ZNF197: variants seen among roughly 807,000 people sequenced by gnomAD.
The protein encoded by ZNF197 is VHL-associated KRAB-A domain-containing protein.
A neutral mutation model predicts 27.4 loss-of-function variants in ZNF197; 14 were observed. That is an observed-to-expected ratio of 0.51 (90% CI 0.34 to 0.80). The LOEUF (loss-of-function observed/expected upper bound fraction) is 0.80. Among genes scored for constraint, ZNF197 ranks in the 30% least tolerant of loss-of-function variants. The probability of loss-of-function intolerance (pLI) is 0.02; values close to 1 mark genes in which losing one functional copy is unlikely to be tolerated. For synonymous variants in ZNF197, 415 were observed against 420.0 expected (o/e 0.99, Z 0.15); for missense variants, 1,090 against 1,222.6 (o/e 0.89, Z 1.62).
chr3:44,627,122 T>C (rs555095190), intron 1 of ZNF197, among the ~76,000 whole-genome samples: 1 of 152,170 alleles, frequency 6.6e-6, no homozygotes, highest in Admixed American at 6.5e-5. Context: ...TACACACATA[T>C]GCAGAAATAA....
intron 2 of ZNF197, among the ~76,000 whole-genome samples, chr3:44,629,796 T>G (rs926971541): frequency 2.3e-4 from 35 of 152,346 alleles, no homozygotes; most frequent in African/African-American, 7.9e-4. Context: ...TTTTGTCCCT[T>G]GGGTAATGCT....
Position 44,644,404 on chromosome 3 carries a change from C to A in ZNF197, c.*184C>A. 1 of 1,317,780 alleles carries A rather than the reference C, an allele frequency of 7.6e-7. No homozygotes were observed. The highest frequency in any genetic ancestry group is 2.0e-5 in the South Asian group (1 of 50,868). The allele number at this position is 1,317,780 out of a possible 1,614,324, so 81.6% of individuals were successfully genotyped here. On this transcript the variant is annotated 3_prime_UTR_variant, in exon 6 of 6. Transcript: ENST00000344387. ...CTGTAATCCCAGCACTTTGAGAGGC[C>A]GAAGCGAGTGGATCACCTGAGGTCA...
Position 44,642,976 on chromosome 3 carries a change from C to T in ZNF197, c.1846C>T (p.His616Tyr), listed in dbSNP as rs764294362. ...AAACTTCATTGACCATAAGAGGATGCACAGCAGAGAGAAACCTTACAAATG... is the reference window on the plus strand; with the variant it reads ...AAACTTCATTGACCATAAGAGGATGTACAGCAGAGAGAAACCTTACAAATG... The part of the protein sequence containing the change: ...KSNFIDHKRM[H>Y]SREKPYKCTE... Residue 616 changes from histidine to tyrosine, a missense_variant, in exon 6 of 6, where the codon CAC becomes TAC. Physicochemically the swap from His to Tyr is moderately conservative, Grantham distance 83. Transcript: ENST00000344387. 1.2e-6 allele frequency: 2 copies of T among 1,613,942 alleles called. No individual in the cohort carries two copies. Among genetic ancestry groups the T allele is most frequent in the South Asian group, 1.1e-5 (1 of 91,032 alleles).
In ZNF197 at chr3:44,641,922, T is replaced by G. The variant is rs976515122; in HGVS notation, c.792T>G (p.Asn264Lys). 6.3e-7 allele frequency: 1 copy of G among 1,598,470 alleles called. No individual in the cohort carries two copies. The highest frequency in any genetic ancestry group is 2.2e-5 in the East Asian group (1 of 44,616). The change falls in exon 6 of 6, where the codon AAT becomes AAG. Residue 264 changes from asparagine to lysine, a missense_variant. By Grantham distance (94) the Asn-to-Lys change is moderately conservative. Transcript: ENST00000344387. ...TSLEWETMTE[N>K]EEVTSKPSSS... ...CAGAATGGGAGACCATGACCGAGAA[T>G]GAGGAGGTGACATCAAAGCCAAGTA...
chr3:44,631,996 C>A, intron 3 of ZNF197, 109 bp from the exon 4 acceptor site: 1 of 1,010,926 alleles, frequency 9.9e-7, no homozygotes, highest in Non-Finnish European at 1.6e-6. Flanking sequence ...CCACCACGCC[C>A]TGCCTTGTAT....
At chr3:44,628,368 G>A (rs1045423581) in intron 1 of ZNF197, among the ~76,000 whole-genome samples, 9 of 152,140 alleles carry the variant, frequency 5.9e-5, no homozygotes, top group Non-Finnish European at 1.0e-4. Context: ...CCATCTGTGG[G>A]ACTAGATGTG....
At position 44,642,278 on chromosome 3, in the gene ZNF197, C is replaced by T. The variant is rs774846187; in HGVS notation, c.1148C>T (p.Ser383Phe). ...TGTTGTAAACATTTTAATAAAATCT[C>T]CCATCTTATAAACCATCGGAGAATC... ...DMCCKHFNKI[S>F]HLINHRRIHT... Residue 383 changes from serine to phenylalanine, a missense_variant, in exon 6 of 6, where the codon TCC (serine) becomes TTC (phenylalanine). Physicochemically the swap from Ser to Phe is radical, Grantham distance 155. Transcript: ENST00000344387. 21 of 1,613,888 alleles carry T rather than the reference C, an allele frequency of 1.3e-5. No homozygotes were observed. Among genetic ancestry groups the T allele is most frequent in the Admixed American group, 8.3e-5 (5 of 59,972 alleles).
intron 5 of ZNF197, among the ~76,000 whole-genome samples, chr3:44,639,748 A>AG (rs1198973453): frequency 5.9e-5 from 9 of 152,106 alleles, no homozygotes; most frequent in African/African-American, 2.2e-4. Flanking sequence ...GGAAAGAAGA[A>AG]GAGCAATTCA....
rs1006099596 is a variant in ZNF197 at position 44,645,091 on chromosome 3, T to G, written c.*871T>G. The G allele has an allele frequency of 1.0e-6, 1 of 982,042 alleles. No individual in the cohort carries two copies. Among genetic ancestry groups the G allele is most frequent in the Non-Finnish European group, 1.2e-6 (1 of 826,982 alleles). The allele number at this position is 982,042 out of a possible 1,614,324, so 60.8% of individuals were successfully genotyped here. On this transcript the variant is annotated 3_prime_UTR_variant, in exon 6 of 6. Coordinates refer to ENST00000344387, the MANE Select transcript of ZNF197 (RefSeq NM_006991.5). ...AGAAGACCTACCTTTGATTCCTGGC[T>G]TTCCCTTAATGGCCATGTGATGTTA...
chr3:44,643,712 T>C lies in ZNF197; in HGVS notation c.2582T>C (p.Leu861Pro). 3.1e-6 allele frequency: 5 copies of C among 1,614,084 alleles called. No homozygotes were observed. Among genetic ancestry groups the C allele is most frequent in the Non-Finnish European group, 4.2e-6 (5 of 1,180,010 alleles). ...CGKGFTYNRN[L>P]IEHQRIHSGE... ...AAAGGTTTTACGTACAACAGAAACC[T>C]GATTGAACATCAAAGAATTCACAGT... Residue 861 changes from leucine (L) to proline (P), a missense_variant, in exon 6 of 6, where the codon CTG becomes CCG. Coordinates refer to ENST00000344387, the MANE Select transcript of ZNF197 (RefSeq NM_006991.5).
Position 44,631,045 on chromosome 3 carries a change from A to T in ZNF197, c.391-17A>T. 1 of 1,613,862 alleles carries T rather than the reference A, an allele frequency of 6.2e-7. No homozygotes were observed. The highest frequency in any genetic ancestry group is 1.1e-5 in the South Asian group (1 of 91,052). On this transcript the variant is annotated splice_polypyrimidine_tract_variant and intron_variant, in intron 2 of 5. Coordinates refer to ENST00000344387, the MANE Select transcript of ZNF197 (RefSeq NM_006991.5). ...CTTAAGAAACAAGAAGAGCTAGCTTATTTTACTTGTTTCCAGGTTCCAGTC... is the reference window on the plus strand; with the variant it reads ...CTTAAGAAACAAGAAGAGCTAGCTTTTTTTACTTGTTTCCAGGTTCCAGTC...
At position 44,644,866 on chromosome 3, in the gene ZNF197, T is replaced by G. The variant is rs969827162; in HGVS notation, c.*646T>G. The G allele has an allele frequency of 5.2e-6, 5 of 959,732 alleles. No individual in the cohort carries two copies. The highest frequency in any genetic ancestry group is 2.3e-4 in the East Asian group (2 of 8,708). 59.5% of individuals were successfully genotyped at this position (959,732 alleles called of 1,614,324 possible). ...GAGACCCGTCTTTAGTAAATAAAAATAAATTTATTAATAAAACTAAAAATT... is the reference window on the plus strand; with the variant it reads ...GAGACCCGTCTTTAGTAAATAAAAAGAAATTTATTAATAAAACTAAAAATT... On this transcript the variant is annotated 3_prime_UTR_variant, in exon 6 of 6. Coordinates refer to ENST00000344387, the MANE Select transcript of ZNF197 (RefSeq NM_006991.5).
At position 44,642,439 on chromosome 3, in the gene ZNF197, C is replaced by T; in HGVS notation, c.1309C>T (p.Gln437Ter). 6.2e-7 allele frequency: 1 copy of T among 1,614,014 alleles called. No homozygotes were observed. Among genetic ancestry groups the T allele is most frequent in the Non-Finnish European group, 8.5e-7 (1 of 1,180,018 alleles). The change falls in exon 6 of 6, where the codon CAA (glutamine) becomes TAA (stop). Residue 437 changes from glutamine (Q) to a stop codon, truncating the protein, a stop_gained. Transcript: ENST00000344387. LOFTEE classifies it low-confidence loss of function (END_TRUNC). ...TAATGAATGTGGGAAAGCATTTTCTCAAAGTGCTTACCTTCTAAACCATCA... is the reference window on the plus strand; with the variant it reads ...TAATGAATGTGGGAAAGCATTTTCTTAAAGTGCTTACCTTCTAAACCATCA... ...KCNECGKAFS[Q>*]SAYLLNHQRI...
intron 5 of ZNF197, among the ~76,000 whole-genome samples, chr3:44,633,611 T>A (rs1379389143): frequency 6.6e-6 from 1 of 152,236 alleles, no homozygotes; most frequent in Non-Finnish European, 1.5e-5. Flanking sequence ...TAACTTTGAC[T>A]GAAATACAGA....
intron 2 of ZNF197, among the ~76,000 whole-genome samples, chr3:44,629,946 A>G (rs888076715): frequency 1.3e-5 from 2 of 152,240 alleles, no homozygotes; most frequent in Admixed American, 1.3e-4. Context: ...ATAGCAGGCC[A>G]GGCACAGTGG....
Position 44,646,628 on chromosome 3 carries a change from G to A in ZNF197, c.*2408G>A, listed in dbSNP as rs1262679772. Reference sequence around the variant, plus strand: ...ATTATGATGAAAAAGAGAGGGGAGTGAAAATTGTTCAAGCTGTCTTGAGTC... The same window carrying A: ...ATTATGATGAAAAAGAGAGGGGAGTAAAAATTGTTCAAGCTGTCTTGAGTC... On this transcript the variant is annotated 3_prime_UTR_variant, in exon 6 of 6. Coordinates refer to ENST00000344387, the MANE Select transcript of ZNF197 (RefSeq NM_006991.5). 1 of 745,492 alleles carries A rather than the reference G, an allele frequency of 1.3e-6. No individual in the cohort carries two copies. The highest frequency in any genetic ancestry group is 2.4e-6 in the Non-Finnish European group (1 of 419,034). 46.2% of individuals were successfully genotyped at this position (745,492 alleles called of 1,614,324 possible). A position where few individuals can be genotyped will look rare whatever the true frequency, so the allele number is the denominator to read the frequency against.
intron 5 of ZNF197, among the ~76,000 whole-genome samples, chr3:44,636,112 G>A (rs1702271256): frequency 6.6e-6 from 1 of 152,104 alleles, no homozygotes; most frequent in Non-Finnish European, 1.5e-5. Context: ...AGACCATCCT[G>A]GCTAACACGG....
intron 1 of ZNF197, among the ~76,000 whole-genome samples, chr3:44,626,526 T>C (rs1050416481): frequency 7.2e-5 from 11 of 152,228 alleles, no homozygotes; most frequent in African/African-American, 2.4e-4. Flanking sequence ...TTTCCTGTGA[T>C]AAAAGTGTGT....
rs1702977659 is a variant in ZNF197 at position 44,646,695 on chromosome 3, A to T, written c.*2475A>T. On this transcript the variant is annotated 3_prime_UTR_variant, in exon 6 of 6. Coordinates refer to ENST00000344387, the MANE Select transcript of ZNF197 (RefSeq NM_006991.5). The stretch of plus-strand genomic sequence containing the variant: ...TACCATTCTCTGCTTTTGTGTATGT[A>T]TGAAAATTTCGATATGAAAGGTATA... 3.6e-6 allele frequency: 2 copies of T among 559,812 alleles called. No individual in the cohort carries two copies. The highest frequency in any genetic ancestry group is 6.4e-6 in the Non-Finnish European group (2 of 313,104). 34.7% of individuals were successfully genotyped at this position (559,812 alleles called of 1,614,324 possible).
Sources: allele counts gnomAD v4.1 joint callset (sites outside exome capture counted in the v4.1 genomes callset), GRCh38; gene constraint gnomAD v4.1.1; transcripts MANE v1.5; gene names NCBI Gene and HGNC (gene_info 2026-07-23, HGNC 2026-07-21).